Variants in DPF3 observed in about 807,000 individuals in gnomAD.
The protein encoded by DPF3 is zinc finger protein DPF3.
A neutral mutation model predicts 56.8 loss-of-function variants in DPF3; 18 were observed. That is an observed-to-expected ratio of 0.32 (90% confidence interval 0.22 to 0.47). The LOEUF is 0.47. DPF3 is among the 20% of genes least tolerant of loss of function. The pLI, the probability that DPF3 is intolerant of heterozygous loss-of-function variation, is 1.00. For missense variants in DPF3, 403 were observed against 488.8 expected, an observed-to-expected ratio of 0.82 and a Z score of 1.65; for synonymous variants, 188 against 180.2, an observed-to-expected ratio of 1.04 and a Z score of -0.35.
At chr14:72,646,734 C>T (rs983608194) in intron 8 of DPF3, among the ~76,000 whole-genome samples, 1 of 152,218 alleles carries the variant, frequency 6.6e-6, no homozygotes, top group African/African-American at 2.4e-5. Context: ...ACAAGGACCT[C>T]AGAGTGGAAA....
intron 1 of DPF3, among the ~76,000 whole-genome samples, chr14:72,877,700 C>T (rs1245946577): frequency 6.6e-6 from 1 of 152,148 alleles, no homozygotes; most frequent in Non-Finnish European, 1.5e-5. Context: ...CAAACAATGT[C>T]CCCCTGGTGT....
At chr14:72,853,066 T>TGTGTGTGTGTGTGTGTGTGC (rs1338131454) in intron 1 of DPF3, among the ~76,000 whole-genome samples, 2 of 151,850 alleles carry the variant, frequency 1.3e-5, no homozygotes, top group South Asian at 2.1e-4. Context: ...TGTGTGTGTA[T>TGTGTGTGTGTGTGTGTGTGC]GCATGCTTGC....
intron 3 of DPF3, among the ~76,000 whole-genome samples, chr14:72,739,738 A>T (rs1890051693): frequency 6.6e-6 from 1 of 152,182 alleles, no homozygotes; most frequent in Admixed American, 6.5e-5. Flanking sequence ...CGGGGGAAAA[A>T]TCATGGCAGA....
chr14:72,635,202 C>G (rs558431970), intron 8 of DPF3, among the ~76,000 whole-genome samples: 1 of 152,206 alleles, frequency 6.6e-6, no homozygotes, highest in Admixed American at 6.5e-5. Context: ...CTTCAGGGTG[C>G]TATTTCAGCA....
chr14:72,709,593 G>A (rs1888566951), intron 6 of DPF3, among the ~76,000 whole-genome samples: 2 of 152,162 alleles, frequency 1.3e-5, no homozygotes, highest in Non-Finnish European at 2.9e-5. Context: ...CAGCCTTCAA[G>A]AGAATGAAAC....
intron 6 of DPF3, among the ~76,000 whole-genome samples, chr14:72,709,523 G>T (rs990952894): frequency 6.6e-6 from 1 of 152,170 alleles, no homozygotes; most frequent in Non-Finnish European, 1.5e-5. Flanking sequence ...AGCGGCCAGG[G>T]CTTCACCTCA....
chr14:72,693,826 A>C (rs1360101477), intron 6 of DPF3, among the ~76,000 whole-genome samples: 1 of 152,214 alleles, frequency 6.6e-6, no homozygotes, highest in East Asian at 1.9e-4. Flanking sequence ...CTCTGCAAGA[A>C]GTAGAAAAGT....
intron 6 of DPF3, among the ~76,000 whole-genome samples, chr14:72,696,988 C>A (rs1386886970): frequency 6.6e-6 from 1 of 152,206 alleles, no homozygotes; most frequent in Non-Finnish European, 1.5e-5. Context: ...AACCCTATGT[C>A]CACATGCCCT....
At chr14:72,782,337 C>T (rs1296694083) in intron 1 of DPF3, among the ~76,000 whole-genome samples, 5 of 152,030 alleles carry the variant, frequency 3.3e-5, no homozygotes. Context: ...AATCCTCCCA[C>T]CTCAGCCTCC....
At chr14:72,644,242 C>T (rs1426171389) in intron 8 of DPF3, among the ~76,000 whole-genome samples, 1 of 152,196 alleles carries the variant, frequency 6.6e-6, no homozygotes, top group Non-Finnish European at 1.5e-5. Flanking sequence ...CATCTGGCGT[C>T]GTATTACCTC....
intron 1 of DPF3, among the ~76,000 whole-genome samples, chr14:72,830,801 T>C (rs1348595332): frequency 6.6e-6 from 1 of 152,180 alleles, no homozygotes; most frequent in Non-Finnish European, 1.5e-5. Context: ...AATGGACAAA[T>C]GAACCCCTTG....
Position 72,611,931 on chromosome 14 carries a change from G to A in DPF3, c.*7366C>T, listed in dbSNP as rs913126111. Among the ~76,000 whole-genome samples, 3 of 152,098 alleles carry A rather than the reference G, an allele frequency of 2.0e-5. No homozygotes were observed. The highest frequency in any genetic ancestry group is 2.1e-4 in the South Asian group (1 of 4,820). On this transcript the variant is annotated 3_prime_UTR_variant, in exon 11 of 11. Transcript: ENST00000556509. Reference sequence around the variant, plus strand: ...GGCGCGATACTTGACCTACAATCACGATTGCTTGGCAGAGCTTAATTTCAT... The same window carrying A: ...GGCGCGATACTTGACCTACAATCACAATTGCTTGGCAGAGCTTAATTTCAT...
chr14:72,731,493 T>G, intron 4 of DPF3: 1 of 272,308 alleles, frequency 3.7e-6, no homozygotes. Context: ...GGACAAGGAT[T>G]CAGACTGTTT....
rs1180393518 is a variant in DPF3 at position 72,614,792 on chromosome 14, G to GTTACAATC, written c.*4497_*4504dup. Among the ~76,000 whole-genome samples the GTTACAATC allele has an allele frequency of 4.5e-5, 2 of 44,204 alleles. No homozygotes were observed. The highest frequency in any genetic ancestry group is 8.3e-5 in the Non-Finnish European group (2 of 24,114). The allele number at this position is 44,204 out of a possible 152,430, so 29.0% of individuals were successfully genotyped here. ...ACAAGCCTCAGAAAAAAAAAAAAGA[G>GTTACAATC]TTACAATCACTGTTCACTCCCACCT... On this transcript the variant is annotated 3_prime_UTR_variant, in exon 11 of 11. Coordinates refer to ENST00000556509, the MANE Select transcript of DPF3 (RefSeq NM_001280542.3).
intron 4 of DPF3, among the ~76,000 whole-genome samples, chr14:72,727,217 G>T (rs1270490008): frequency 6.6e-6 from 1 of 152,218 alleles, no homozygotes; most frequent in African/African-American, 2.4e-5. Flanking sequence ...CTGCTCCTCT[G>T]CCCAGAAAGC....
chr14:72,884,340 G>A (rs780444581), intron 1 of DPF3, among the ~76,000 whole-genome samples: 1 of 152,112 alleles, frequency 6.6e-6, no homozygotes, highest in Non-Finnish European at 1.5e-5. Flanking sequence ...TAGATGTGAT[G>A]GGTAATGCCA....
At chr14:72,746,592 T>C (rs1366559010) in intron 3 of DPF3, among the ~76,000 whole-genome samples, 2 of 152,256 alleles carry the variant, frequency 1.3e-5, no homozygotes, top group East Asian at 1.9e-4. Context: ...CGGCTGTTCA[T>C]TGCTTCTCAG....
At chr14:72,822,015 G>A (rs1312799421) in intron 1 of DPF3, among the ~76,000 whole-genome samples, 3 of 151,876 alleles carry the variant, frequency 2.0e-5, no homozygotes, top group Non-Finnish European at 4.4e-5. Flanking sequence ...TTGAAAAAAA[G>A]AGGTGAAATT....
chr14:72,864,597 A>G (rs1432507626), intron 1 of DPF3, among the ~76,000 whole-genome samples: 1 of 152,228 alleles, frequency 6.6e-6, no homozygotes, highest in Non-Finnish European at 1.5e-5. Context: ...TGGATATGAA[A>G]GCAAAGCTTG....
Sources: allele counts gnomAD v4.1 joint callset (sites outside exome capture counted in the v4.1 genomes callset), GRCh38; gene constraint gnomAD v4.1.1; transcripts MANE v1.5; gene names NCBI Gene and HGNC (gene_info 2026-07-23, HGNC 2026-07-21).